Variants in RADIL observed in about 807,000 individuals in gnomAD.
The protein encoded by RADIL is Rap associating with DIL domain, also known as ras-associating and dilute domain-containing protein.
Under a neutral mutation model 97.6 loss-of-function variants are expected in RADIL, and 99 were observed. The ratio of observed to expected loss-of-function variants is 1.01; its 90% CI spans 0.86 to 1.20. The LOEUF is 1.20. RADIL is among the 50% of genes most tolerant of loss of function. RADIL has a pLI of 0.00. For missense variants in RADIL, 1,765 were observed against 1,498.9 expected, an observed-to-expected ratio of 1.18 and a Z score of -2.93; for synonymous variants, 803 against 691.8, an observed-to-expected ratio of 1.16 and a Z score of -2.52.
chr7:4,804,158 G>T, intron 10 of RADIL: 1 of 299,172 alleles, frequency 3.3e-6, no homozygotes, highest in Non-Finnish European at 6.7e-6. Context: ...CTCCCTGCAG[G>T]AATCACGGGA....
chr7:4,877,701 A>G lies in RADIL; in HGVS notation c.439T>C (p.Trp147Arg), dbSNP rs776414320. 4.3e-6 allele frequency: 7 copies of G among 1,614,070 alleles called. No homozygotes were observed. The highest frequency in any genetic ancestry group is 1.1e-5 in the South Asian group (1 of 91,080). The part of the protein sequence containing the change: ...SEKPLLIQEL[W>R]KPREGLSRRF... The stretch of plus-strand genomic sequence containing the variant: ...CGGGATAAACCTTCTCGGGGTTTCC[A>G]TAATTCCTGGATCAAGAGGGGCTTC... Residue 147 changes from tryptophan (W) to arginine (R), a missense_variant, in exon 2 of 15, where the codon TGG (tryptophan) becomes CGG (arginine). Trp to Arg is a moderately radical substitution (Grantham distance 101). Transcript: ENST00000399583.
At chr7:4,830,701 A>C (rs11767978) in intron 5 of RADIL, among the ~76,000 whole-genome samples, 7,557 of 152,062 alleles carry the variant, frequency 0.05, 265 homozygotes, top group South Asian at 0.18. Flanking sequence ...AACATGGAGA[A>C]TCCCCATCTC....
At chr7:4,832,958 A>C (rs1431226829) in intron 4 of RADIL, among the ~76,000 whole-genome samples, 1 of 152,142 alleles carries the variant, frequency 6.6e-6, no homozygotes, top group Non-Finnish European at 1.5e-5. Flanking sequence ...GAGGCTTCGG[A>C]TTCCCACAGT....
chr7:4,879,334 G>A lies in RADIL; in HGVS notation c.-64-1131C>T, dbSNP rs1020481552. Among the ~76,000 whole-genome samples, 4 of 152,226 alleles carry A rather than the reference G, an allele frequency of 2.6e-5. No homozygotes were observed. The highest frequency in any genetic ancestry group is 2.6e-4 in the Admixed American group (4 of 15,290). ...AGTCTCCCTCCAGAACCTCTGTGGG[G>A]GCAGGAGGGCAGAGAAAAAGGAAGG... On this transcript the variant is annotated intron_variant, in intron 1 of 14. Transcript: ENST00000399583. The surrounding 1 kb of genome is among the most constrained non-coding windows in gnomAD (Gnocchi z 4.1).
intron 9 of RADIL, chr7:4,809,484 T>G: frequency 1.0e-6 from 1 of 985,272 alleles, no homozygotes; most frequent in East Asian, 1.1e-4. Flanking sequence ...GGAACACGCT[T>G]GTGTGTCCAG....
chr7:4,845,542 A>C (rs1375287254), intron 2 of RADIL, among the ~76,000 whole-genome samples: 1 of 152,168 alleles, frequency 6.6e-6, no homozygotes, highest in East Asian at 1.9e-4. Context: ...AAAGCACCAA[A>C]GCGTTGAAAA....
intron 2 of RADIL, among the ~76,000 whole-genome samples, chr7:4,848,441 G>T (rs1201811919): frequency 2.0e-5 from 3 of 152,102 alleles, no homozygotes; most frequent in Non-Finnish European, 4.4e-5. Context: ...CCAAGAAGCT[G>T]AAATTGATAA....
Position 4,808,648 on chromosome 7 carries a change from C to G in RADIL, c.2140-2932G>C, listed in dbSNP as rs370673307. 62 of 952,092 alleles carry G rather than the reference C, an allele frequency of 6.5e-5. No homozygotes were observed. In the East Asian group the frequency reaches 3.9e-3, roughly 60 times the overall value. 59.0% of individuals were successfully genotyped at this position (952,092 alleles called of 1,614,324 possible). ...CGGCCCTGGTCTCTCCTTCCAACGC[C>G]ACTGCCCCTCCGCGTCCCCTTCCGA... is the stretch of plus-strand genomic sequence containing the variant. On this transcript the variant is annotated intron_variant, in intron 9 of 14. Coordinates refer to ENST00000399583, the MANE Select transcript of RADIL (RefSeq NM_018059.5).
At chr7:4,823,550 A>G (rs999950409) in intron 5 of RADIL, among the ~76,000 whole-genome samples, 4 of 152,224 alleles carry the variant, frequency 2.6e-5, no homozygotes, top group South Asian at 2.1e-4. Context: ...GGCCAGCCCA[A>G]TGCAGGTAGG....
intron 12 of RADIL, among the ~76,000 whole-genome samples, chr7:4,800,802 C>G (rs538982472): frequency 8.1e-4 from 123 of 152,310 alleles, no homozygotes; most frequent in African/African-American, 2.7e-3. Flanking sequence ...CGTGGGTGCA[C>G]TTAGGTCAGA....
rs1048550759 is a variant in RADIL, at chr7:4,816,295, G to A, written c.1899C>T (p.Ala633=). 1 of 1,612,582 alleles carries A rather than the reference G, an allele frequency of 6.2e-7. No homozygotes were observed. Among genetic ancestry groups the A allele is most frequent in the Non-Finnish European group, 8.5e-7 (1 of 1,179,856 alleles). Residue 633 remains alanine, a synonymous_variant, in exon 8 of 15, where the codon GCC becomes GCT. Transcript: ENST00000399583. ...LRQLQVHPEV[A]SQMLAYLFFF... The stretch of plus-strand genomic sequence containing the variant: ...AGAAGAGGTAGGCGAGCATCTGCGA[G>A]GCCACCTCGGGGTGCACCTGCAGCT...
chr7:4,861,661 G>A (rs367608195), intron 2 of RADIL: 16 of 1,604,510 alleles, frequency 1.0e-5, no homozygotes, highest in Non-Finnish European at 1.3e-5. Flanking sequence ...CGAAGACCCC[G>A]AAGGGCCTGA....
At position 4,861,287 on chromosome 7, in the gene RADIL, G is replaced by A. The variant is rs920429798; in HGVS notation, c.535+16318C>T. On this transcript the variant is annotated intron_variant, in intron 2 of 14. Transcript: ENST00000399583. ...CAAATCTTCTGGAATAGTCTGTAGT[G>A]CTAATCTTGCAAATAAAATATCAAT... is the stretch of plus-strand genomic sequence containing the variant. 9 of 1,613,958 alleles carry A rather than the reference G, an allele frequency of 5.6e-6. No individual in the cohort carries two copies. The Admixed American group carries it at 8.3e-5, about 15-fold the overall frequency.
intron 2 of RADIL, among the ~76,000 whole-genome samples, chr7:4,850,815 G>T (rs1348276182): frequency 1.3e-5 from 2 of 152,148 alleles, no homozygotes; most frequent in Non-Finnish European, 2.9e-5. Flanking sequence ...CTGGGCAGAG[G>T]GTCCAGCTCT....
intron 2 of RADIL, chr7:4,858,961 T>A (rs1281359396): frequency 1.3e-5 from 2 of 152,192 alleles, no homozygotes; most frequent in African/African-American, 4.8e-5. Context: ...CTTTGATAGC[T>A]CAAAGAAAAT....
intron 2 of RADIL, among the ~76,000 whole-genome samples, chr7:4,856,944 G>A (rs569776377): frequency 1.3e-5 from 2 of 152,208 alleles, no homozygotes; most frequent in Non-Finnish European, 2.9e-5. Context: ...GAGACCGGAT[G>A]GCTTCACAAA....
chr7:4,802,125 C>T, intron 11 of RADIL, 130 bp from the exon 12 acceptor site: 1 of 745,260 alleles, frequency 1.3e-6, no homozygotes, highest in Non-Finnish European at 2.1e-6. Flanking sequence ...ACTCCCGCAG[C>T]CTGTGCAGCT....
intron 2 of RADIL, chr7:4,858,446 T>C (rs1783889267): frequency 2.0e-5 from 3 of 152,564 alleles, no homozygotes; most frequent in Non-Finnish European, 4.4e-5. Context: ...ATTGCTGATC[T>C]TTTGTAGACT....
Position 4,815,524 on chromosome 7 carries a change from A to G in RADIL, c.1967-74T>C. The stretch of plus-strand genomic sequence containing the variant: ...GACACAGACATGGGCCTGTCCCCAG[A>G]GCCTGCCCTTCCCGGCTCTGGGCCA... On this transcript the variant is annotated intron_variant, in intron 8 of 14. Coordinates refer to ENST00000399583, the MANE Select transcript of RADIL (RefSeq NM_018059.5). This position sits in a 1 kb window ranked among gnomAD's most constrained non-coding sequence, Gnocchi z 8.0. 7.2e-7 allele frequency: 1 copy of G among 1,394,478 alleles called. No individual in the cohort carries two copies. The allele number at this position is 1,394,478 out of a possible 1,614,324, so 86.4% of individuals were successfully genotyped here.
Sources: allele counts gnomAD v4.1 joint callset (sites outside exome capture counted in the v4.1 genomes callset), GRCh38; gene constraint gnomAD v4.1.1; non-coding constraint Gnocchi (gnomAD v3.1); transcripts MANE v1.5; gene names NCBI Gene and HGNC (gene_info 2026-07-23, HGNC 2026-07-21).